The following TENM3 variants were observed in gnomAD, a reference collection of about 807,000 sequenced individuals.
TENM3 encodes the protein teneurin-3.
A neutral mutation model predicts 255.1 loss-of-function variants in TENM3; 63 were observed. That is an observed-to-expected ratio of 0.25 (90% confidence interval 0.20 to 0.30). The LOEUF (loss-of-function observed/expected upper bound fraction) is 0.30. TENM3 is among the 10% of genes least tolerant of loss of function. The probability of loss-of-function intolerance (pLI) is 1.00; values close to 1 mark genes in which losing one functional copy is unlikely to be tolerated. For missense variants in TENM3, 2,929 were observed against 3,461.1 expected (o/e 0.85, Z 3.86); for synonymous variants, 1,306 against 1,322.3 (o/e 0.99, Z 0.27).
chr4:182,114,580 T>A, the TENM3 span, among the ~76,000 whole-genome samples: 2 of 152,128 alleles, frequency 1.3e-5, no homozygotes, highest in African/African-American at 4.8e-5. Flanking sequence ...TATATATGTT[T>A]ATAGATGTAG....
chr4:181,605,253 G>C, the TENM3 span, among the ~76,000 whole-genome samples: 1 of 151,648 alleles, frequency 6.6e-6, no homozygotes, highest in African/African-American at 2.4e-5. Flanking sequence ...TGACCATCCT[G>C]GCTAACATGG....
chr4:182,225,219 C>T (rs1343182335), intron 1 of TENM3, among the ~76,000 whole-genome samples: 1 of 152,092 alleles, frequency 6.6e-6, no homozygotes, highest in Non-Finnish European at 1.5e-5. Flanking sequence ...ACTCAATATA[C>T]GGCAGCAATT....
intron 3 of TENM3, among the ~76,000 whole-genome samples, chr4:182,531,921 C>T (rs984671147): frequency 2.6e-5 from 4 of 152,100 alleles, no homozygotes; most frequent in African/African-American, 4.8e-5. Flanking sequence ...GGGAACCTTC[C>T]GGAAATCTGG....
At chr4:181,530,172 G>A in the TENM3 span, among the ~76,000 whole-genome samples, 1 of 152,144 alleles carries the variant, frequency 6.6e-6, no homozygotes, top group Non-Finnish European at 1.5e-5. Context: ...TTCTTTCTCA[G>A]TGATCATAAA....
chr4:182,605,897 A>T (rs1214666086), intron 4 of TENM3, among the ~76,000 whole-genome samples: 3 of 152,236 alleles, frequency 2.0e-5, no homozygotes, highest in Non-Finnish European at 4.4e-5. Context: ...TGATAGCTGT[A>T]CCAGGCAAAG....
intron 3 of TENM3, among the ~76,000 whole-genome samples, chr4:182,399,457 C>CATATA (rs1769080455): frequency 6.6e-6 from 1 of 152,188 alleles, no homozygotes; most frequent in Non-Finnish European, 1.5e-5. Context: ...GCCAGTAGTA[C>CATATA]ACTGCTTAAC....
intron 3 of TENM3, among the ~76,000 whole-genome samples, chr4:182,377,640 T>A (rs1767267090): frequency 6.6e-6 from 1 of 152,186 alleles, no homozygotes; most frequent in Admixed American, 6.5e-5. Flanking sequence ...ATCCAGATAT[T>A]GTCATTGCTT....
the TENM3 span, among the ~76,000 whole-genome samples, chr4:181,486,603 T>A: frequency 3.9e-4 from 59 of 152,340 alleles, no homozygotes; most frequent in African/African-American, 1.4e-3. Flanking sequence ...TTGAGGCCTT[T>A]CTTATGTACT....
the TENM3 span, chr4:181,820,378 T>A: frequency 6.8e-6 from 1 of 147,770 alleles, no homozygotes; most frequent in African/African-American, 2.7e-5. Flanking sequence ...GGGCTATTTT[T>A]ATTTCAGTGT....
At chr4:182,632,633 A>C (rs1035691888) in intron 5 of TENM3, among the ~76,000 whole-genome samples, 3 of 152,110 alleles carry the variant, frequency 2.0e-5, no homozygotes, top group Non-Finnish European at 4.4e-5. Context: ...ATTTTCAATT[A>C]AGGATATGAA....
chr4:182,003,137 T>G, the TENM3 span, among the ~76,000 whole-genome samples: 1 of 152,156 alleles, frequency 6.6e-6, no homozygotes, highest in Admixed American at 6.6e-5. Context: ...CAGCTTTACC[T>G]AGGAATCAGC....
chr4:181,618,729 G>A, the TENM3 span, among the ~76,000 whole-genome samples: 3 of 152,236 alleles, frequency 2.0e-5, no homozygotes, highest in Admixed American at 6.5e-5. Flanking sequence ...TAGTGGGTGT[G>A]TGGCTACAAT....
intron 3 of TENM3, among the ~76,000 whole-genome samples, chr4:182,440,368 T>C (rs1403532467): frequency 6.6e-6 from 1 of 152,100 alleles, no homozygotes; most frequent in Non-Finnish European, 1.5e-5. Context: ...CGCCTCGGCC[T>C]CCCAAAGTGC....
chr4:181,862,036 A>G, the TENM3 span, among the ~76,000 whole-genome samples: 2 of 152,036 alleles, frequency 1.3e-5, no homozygotes, highest in African/African-American at 4.8e-5. Flanking sequence ...ATTGATTTGT[A>G]TTTGGCTTGG....
At chr4:181,768,864 G>T in the TENM3 span, among the ~76,000 whole-genome samples, 18 of 152,236 alleles carry the variant, frequency 1.2e-4, no homozygotes, top group African/African-American at 4.3e-4. Context: ...TAGAGAAGAT[G>T]AAACCCATCT....
chr4:182,617,440 A>T (rs1393099340), intron 4 of TENM3, among the ~76,000 whole-genome samples: 1 of 152,194 alleles, frequency 6.6e-6, no homozygotes, highest in Non-Finnish European at 1.5e-5. Context: ...CATTTAATCC[A>T]CAAGTGTGGG....
chr4:181,553,298 T>TGTGTGTGTGTG, the TENM3 span, among the ~76,000 whole-genome samples: 1 of 102,540 alleles, frequency 9.8e-6, no homozygotes, highest in African/African-American at 4.0e-5. Flanking sequence ...TGTGTGTGTG[T>TGTGTGTGTGTG]AGTGTGTGTG....
chr4:182,681,439 A>C (rs540941920), intron 10 of TENM3, among the ~76,000 whole-genome samples: 2 of 152,350 alleles, frequency 1.3e-5, no homozygotes, highest in African/African-American at 4.8e-5. Context: ...TTTATTTCTC[A>C]AACAGTGTGA....
intron 3 of TENM3, among the ~76,000 whole-genome samples, chr4:182,523,285 A>C (rs567696902): frequency 2.0e-5 from 3 of 152,246 alleles, no homozygotes; most frequent in Non-Finnish European, 4.4e-5. Flanking sequence ...CACAGTTCAT[A>C]GACCAAAGGG....
Sources: gnomAD v4.1 joint callset for allele counts (sites outside exome capture counted in the v4.1 genomes callset) on GRCh38, gnomAD v4.1.1 for gene constraint, MANE v1.5 for transcripts, NCBI Gene and HGNC (gene_info 2026-07-23, HGNC 2026-07-21) for gene names.